KLHL24: variants seen among roughly 807,000 people sequenced by gnomAD.
KLHL24 encodes the protein kelch-like protein 24.
KLHL24 carries 29 observed loss-of-function variants against 53.4 expected under a neutral mutation model. The observed-to-expected ratio is 0.54, with a 90% confidence interval of 0.40 to 0.74. The LOEUF (loss-of-function observed/expected upper bound fraction) is 0.74. KLHL24 is among the 30% of genes least tolerant of loss of function. The pLI is 0.00. For missense variants in KLHL24, 504 were observed against 744.0 expected (o/e 0.68, Z 3.75); for synonymous variants, 222 against 253.7 (o/e 0.88, Z 1.19).
chr3:183,661,229 T>C (rs1231356160), intron 3 of KLHL24, among the ~76,000 whole-genome samples: 1 of 151,560 alleles, frequency 6.6e-6, no homozygotes, highest in Non-Finnish European at 1.5e-5. Flanking sequence ...AGTAAGACCT[T>C]GTCTCTATTT....
At chr3:183,667,135 C>G (rs1720679817) in intron 5 of KLHL24, among the ~76,000 whole-genome samples, 1 of 152,296 alleles carries the variant, frequency 6.6e-6, no homozygotes, top group East Asian at 1.9e-4. Flanking sequence ...AACTTCTATA[C>G]TAGGCCAGTC....
In KLHL24 at chr3:183,650,124, T is replaced by G. The variant is rs1348164292; in HGVS notation, c.-61-172T>G. Reference sequence around the variant, plus strand: ...TTGCAAATTACCCCAATGTTCTAATTGTTCAAATGCAAATTTTTGTTGATT... The same window carrying G: ...TTGCAAATTACCCCAATGTTCTAATGGTTCAAATGCAAATTTTTGTTGATT... On this transcript the variant is annotated intron_variant, in intron 2 of 7. Transcript: ENST00000242810. This position sits in a 1 kb window ranked among gnomAD's most constrained non-coding sequence, Gnocchi z 4.5. 1.3e-5 allele frequency among the ~76,000 whole-genome samples: 2 copies of G among 152,178 alleles called. No homozygotes were observed. Among genetic ancestry groups the G allele is most frequent in the Non-Finnish European group, 1.5e-5 (1 of 68,036 alleles).
In KLHL24 at chr3:183,650,975, C is replaced by T. The variant is rs1233254151; in HGVS notation, c.619C>T (p.Leu207Phe). ...ATCCCAGCACGAAGAATTTCTTGAG[C>T]TTGACAAAGATGAACTTATTGATTA... ...DVSQHEEFLE[L>F]DKDELIDYIC... The change falls in exon 3 of 8, where the codon CTT (leucine) becomes TTT (phenylalanine). Residue 207 changes from leucine to phenylalanine, a missense_variant. Physicochemically the swap from Leu to Phe is conservative, Grantham distance 22. Coordinates refer to ENST00000242810, the MANE Select transcript of KLHL24 (RefSeq NM_017644.3). The surrounding 1 kb of genome is among the most constrained non-coding windows in gnomAD (Gnocchi z 4.5). The T allele has an allele frequency of 1.9e-6, 3 of 1,614,198 alleles. No homozygotes were observed. The highest frequency in any genetic ancestry group is 2.5e-6 in the Non-Finnish European group (3 of 1,180,034).
At position 183,681,536 on chromosome 3, in the gene KLHL24, A is replaced by T. The variant is rs1712675682; in HGVS notation, c.*2250A>T. The stretch of plus-strand genomic sequence containing the variant: ...AATCCTGAAAAACAGAATTTTTTTA[A>T]ACACAGACCTCACACCAATATTAAT... On this transcript the variant is annotated 3_prime_UTR_variant, in exon 8 of 8. Coordinates refer to ENST00000242810, the MANE Select transcript of KLHL24 (RefSeq NM_017644.3). 1.3e-5 allele frequency: 2 copies of T among 152,182 alleles called. No homozygotes were observed. The highest frequency in any genetic ancestry group is 6.6e-5 in the Admixed American group (1 of 15,248). 9.4% of individuals were successfully genotyped at this position (152,182 alleles called of 1,614,324 possible).
At position 183,646,251 on chromosome 3, in the gene KLHL24, G is replaced by A. The variant is rs922258574; in HGVS notation, c.-62+2709G>A. 1.1e-4 allele frequency among the ~76,000 whole-genome samples: 17 copies of A among 150,270 alleles called. No individual in the cohort carries two copies. The South Asian group carries it at 1.3e-3, about 11-fold the overall frequency. ...GTGGCATGTGCCTGTAGTCCCACCCGCTTGGACAGCTGAGGCAGGAGAATA... is the reference window on the plus strand; with the variant it reads ...GTGGCATGTGCCTGTAGTCCCACCCACTTGGACAGCTGAGGCAGGAGAATA... On this transcript the variant is annotated intron_variant, in intron 2 of 7. Coordinates refer to ENST00000242810, the MANE Select transcript of KLHL24 (RefSeq NM_017644.3).
intron 1 of KLHL24, among the ~76,000 whole-genome samples, chr3:183,639,862 A>AAACC (rs1271118250): frequency 1.3e-5 from 2 of 151,148 alleles, no homozygotes; most frequent in Non-Finnish European, 2.9e-5. Flanking sequence ...ACAAACAAAC[A>AAACC]AACCCAGAAA....
At chr3:183,670,565 C>A (rs751007073) in intron 5 of KLHL24, among the ~76,000 whole-genome samples, 8 of 152,166 alleles carry the variant, frequency 5.3e-5, no homozygotes, top group Non-Finnish European at 8.8e-5. Flanking sequence ...TCTAGTAATT[C>A]TTTCCTAATA....
chr3:183,677,344 G>A (rs930419662), intron 7 of KLHL24, among the ~76,000 whole-genome samples: 2 of 152,086 alleles, frequency 1.3e-5, no homozygotes, highest in African/African-American at 4.8e-5. Context: ...AGCGCTTATT[G>A]TGCTTTAAAT....
intron 3 of KLHL24, among the ~76,000 whole-genome samples, chr3:183,657,327 C>G (rs1461306350): frequency 6.6e-6 from 1 of 152,210 alleles, no homozygotes; most frequent in Non-Finnish European, 1.5e-5. Flanking sequence ...CCAGACTCCA[C>G]TGAGCAACAG....
intron 5 of KLHL24, among the ~76,000 whole-genome samples, chr3:183,669,506 CTT>C (rs1442332181): frequency 6.6e-6 from 1 of 152,116 alleles, no homozygotes; most frequent in Non-Finnish European, 1.5e-5. Context: ...GCTGTGTGGA[CTT>C]TTGTAAGTTA....
chr3:183,653,218 A>T (rs1215144721), intron 3 of KLHL24, among the ~76,000 whole-genome samples: 2 of 152,266 alleles, frequency 1.3e-5, no homozygotes, highest in East Asian at 3.8e-4. Flanking sequence ...ACTCTTAAAA[A>T]TACGATAGCA....
At chr3:183,653,623 G>A (rs2108805309) in intron 3 of KLHL24, among the ~76,000 whole-genome samples, 1 of 152,300 alleles carries the variant, frequency 6.6e-6, no homozygotes, top group South Asian at 2.1e-4. Flanking sequence ...AGAAAAACAG[G>A]AACGTATAAA....
chr3:183,635,797 A>T lies in KLHL24; in HGVS notation c.-125+4A>T, dbSNP rs1425937245. 6.6e-6 allele frequency: 1 copy of T among 152,328 alleles called. No homozygotes were observed. Among genetic ancestry groups the T allele is most frequent in the African/African-American group, 2.4e-5 (1 of 41,436 alleles). The allele number at this position is 152,328 out of a possible 1,614,324, so 9.4% of individuals were successfully genotyped here. A position where few individuals can be genotyped will look rare whatever the true frequency, so the allele number is the denominator to read the frequency against. ...CCGGCCGAAAGGCGAGGAACCGGTCAGAGTCTGAGTCCTCGGGGGCGGAGG... is the reference window on the plus strand; with the variant it reads ...CCGGCCGAAAGGCGAGGAACCGGTCTGAGTCTGAGTCCTCGGGGGCGGAGG... On this transcript the variant is annotated splice_donor_region_variant and intron_variant, in intron 1 of 7. Transcript: ENST00000242810.
chr3:183,641,574 AC>A (rs34939216), intron 1 of KLHL24, among the ~76,000 whole-genome samples: 50,654 of 151,636 alleles, frequency 0.33, 9,302 homozygotes, highest in African/African-American at 0.49. Context: ...CTCTTGGTTA[AC>A]CTTTCTTTTC....
chr3:183,650,848 T>A lies in KLHL24; in HGVS notation c.492T>A (p.Asp164Glu). ...ACAKFLEEQL[D>E]PCNCLGIQRF... ...CCAAGTTCTTGGAGGAGCAACTTGA[T>A]CCTTGTAATTGCTTAGGAATCCAGC... is the stretch of plus-strand genomic sequence containing the variant. The change falls in exon 3 of 8, where the codon GAT becomes GAA. Residue 164 changes from aspartate (D) to glutamate (E), a missense_variant. Physicochemically the swap from Asp to Glu is conservative, Grantham distance 45. Coordinates refer to ENST00000242810, the MANE Select transcript of KLHL24 (RefSeq NM_017644.3). The surrounding 1 kb of genome is among the most constrained non-coding windows in gnomAD (Gnocchi z 4.5). The A allele has an allele frequency of 6.2e-7, 1 of 1,614,162 alleles. No homozygotes were observed.
At chr3:183,637,895 G>A (rs1173264950) in intron 1 of KLHL24, among the ~76,000 whole-genome samples, 4 of 152,202 alleles carry the variant, frequency 2.6e-5, no homozygotes, top group African/African-American at 9.6e-5. Flanking sequence ...CTGACCTCAG[G>A]TGATCCGCCC....
chr3:183,646,860 A>G (rs1434662298), intron 2 of KLHL24, among the ~76,000 whole-genome samples: 1 of 151,732 alleles, frequency 6.6e-6, no homozygotes, highest in African/African-American at 2.4e-5. Flanking sequence ...CCCAGGCTGG[A>G]GTGCAGTGGC....
intron 1 of KLHL24, among the ~76,000 whole-genome samples, chr3:183,639,511 TC>T (rs1396494692): frequency 6.3e-4 from 95 of 149,698 alleles, no homozygotes; most frequent in African/African-American, 2.2e-3. Context: ...GCGCCTGTAG[TC>T]CCAGCTACTC....
At chr3:183,646,107 G>A (rs1376621035) in intron 2 of KLHL24, among the ~76,000 whole-genome samples, 2 of 150,744 alleles carry the variant, frequency 1.3e-5, no homozygotes, top group Admixed American at 1.3e-4. Flanking sequence ...GCTTATGCCT[G>A]TAATCCCAGC....
Sources: allele counts gnomAD v4.1 joint callset (sites outside exome capture counted in the v4.1 genomes callset), GRCh38; gene constraint gnomAD v4.1.1; non-coding constraint Gnocchi (gnomAD v3.1); transcripts MANE v1.5; gene names NCBI Gene and HGNC (gene_info 2026-07-23, HGNC 2026-07-21).